Variants in STUM observed in about 807,000 individuals in gnomAD.
The protein encoded by STUM is stum, mechanosensory transduction mediator homolog.
STUM carries 8 observed loss-of-function variants against 15.3 expected under a neutral mutation model. The ratio of observed to expected loss-of-function variants is 0.52; its 90% CI spans 0.31 to 0.94. The LOEUF (loss-of-function observed/expected upper bound fraction) is 0.94, where lower values mean the gene tolerates loss of function less well. STUM is among the 40% of genes least tolerant of loss of function. STUM has a pLI of 0.05. For missense variants in STUM, 142 were observed against 204.9 expected, an observed-to-expected ratio of 0.69 and a Z score of 1.87; for synonymous variants, 78 against 88.7, an observed-to-expected ratio of 0.88 and a Z score of 0.68.
chr1:226,592,828 C>A (rs533348647), intron 1 of STUM, among the ~76,000 whole-genome samples: 116 of 152,244 alleles, frequency 7.6e-4, no homozygotes, highest in Non-Finnish European at 1.4e-3. Context: ...GAGCCCACAT[C>A]TCCCCCATTC....
chr1:226,594,641 G>A (rs1668146137), intron 1 of STUM, among the ~76,000 whole-genome samples: 1 of 152,106 alleles, frequency 6.6e-6, no homozygotes, highest in Non-Finnish European at 1.5e-5. Flanking sequence ...GAACAAGTAG[G>A]ATATATGGAA....
chr1:226,601,928 C>T (rs1262358110), intron 3 of STUM, 78 bp from the exon 4 acceptor site: 1 of 1,278,208 alleles, frequency 7.8e-7, no homozygotes, highest in East Asian at 2.3e-5. Flanking sequence ...TGTGTGCATT[C>T]TGGGCTAGGG....
At chr1:226,550,025 T>C (rs1003769877) in intron 1 of STUM, among the ~76,000 whole-genome samples, 1 of 152,086 alleles carries the variant, frequency 6.6e-6, no homozygotes, top group Non-Finnish European at 1.5e-5. Flanking sequence ...CACTGGCTGC[T>C]CCTGCGTGCT....
At chr1:226,595,791 T>C (rs1356135931) in intron 1 of STUM, among the ~76,000 whole-genome samples, 4 of 152,184 alleles carry the variant, frequency 2.6e-5, no homozygotes, top group Non-Finnish European at 5.9e-5. Flanking sequence ...CCAAGGAATG[T>C]AGGTGGCCTC....
intron 1 of STUM, among the ~76,000 whole-genome samples, chr1:226,564,446 G>A (rs573189078): frequency 9.2e-5 from 14 of 152,208 alleles, no homozygotes; most frequent in South Asian, 4.2e-4. Flanking sequence ...TCATGGGAGC[G>A]GACTGCCACC....
intron 1 of STUM, among the ~76,000 whole-genome samples, chr1:226,576,797 G>A (rs1667822690): frequency 6.6e-6 from 1 of 152,174 alleles, no homozygotes; most frequent in African/African-American, 2.4e-5. Context: ...AACACAGCTT[G>A]TCTAGTTCCG....
intron 1 of STUM, among the ~76,000 whole-genome samples, chr1:226,572,733 A>G (rs1266228015): frequency 6.6e-6 from 1 of 152,200 alleles, no homozygotes; most frequent in African/African-American, 2.4e-5. Context: ...AAGCCCCTCA[A>G]GTGCTCCTGC....
chr1:226,566,949 G>C (rs189621275), intron 1 of STUM, among the ~76,000 whole-genome samples: 9 of 152,320 alleles, frequency 5.9e-5, no homozygotes, highest in South Asian at 2.1e-4. Flanking sequence ...TGCAGTGTTG[G>C]GGGGAAGGTA....
rs937845458 is a variant in STUM, at chr1:226,604,456, A to C, written c.*2416A>C. 2 of 152,262 alleles carry C rather than the reference A, an allele frequency of 1.3e-5. No homozygotes were observed. Among genetic ancestry groups the C allele is most frequent in the Non-Finnish European group, 2.9e-5 (2 of 68,072 alleles). 9.4% of individuals were successfully genotyped at this position (152,262 alleles called of 1,614,324 possible). On this transcript the variant is annotated 3_prime_UTR_variant, in exon 4 of 4. Coordinates refer to ENST00000366788, the MANE Select transcript of STUM (RefSeq NM_001003665.4). This position sits in a 1 kb window ranked among gnomAD's most constrained non-coding sequence, Gnocchi z 4.7. Reference sequence around the variant, plus strand: ...TTCCGGGTAACTGATGTGTGGGAGAAGCCAAGAGGCCCCTGCCTGTCTCCT... The same window carrying C: ...TTCCGGGTAACTGATGTGTGGGAGACGCCAAGAGGCCCCTGCCTGTCTCCT...
chr1:226,550,191 T>C (rs951490364), intron 1 of STUM, among the ~76,000 whole-genome samples: 21 of 152,204 alleles, frequency 1.4e-4, no homozygotes, highest in African/African-American at 4.8e-4. Context: ...CAGTTTGACT[T>C]TGGCCTTTCT....
At chr1:226,575,401 C>G (rs957812136) in intron 1 of STUM, among the ~76,000 whole-genome samples, 1 of 152,244 alleles carries the variant, frequency 6.6e-6, no homozygotes, top group Non-Finnish European at 1.5e-5. Context: ...ACAGATTGGC[C>G]TGGTCTGACG....
chr1:226,553,164 C>A (rs556838832), intron 1 of STUM, among the ~76,000 whole-genome samples: 1 of 152,234 alleles, frequency 6.6e-6, no homozygotes, highest in African/African-American at 2.4e-5. Flanking sequence ...TACAGAGTAG[C>A]CATGAAAAGC....
chr1:226,576,924 G>A (rs1477097625), intron 1 of STUM, among the ~76,000 whole-genome samples: 2 of 152,208 alleles, frequency 1.3e-5, no homozygotes, highest in East Asian at 3.8e-4. Context: ...AGAATATAAA[G>A]GGGAGTAAAT....
At chr1:226,551,029 G>A (rs1018283372) in intron 1 of STUM, among the ~76,000 whole-genome samples, 2 of 151,458 alleles carry the variant, frequency 1.3e-5, no homozygotes, top group African/African-American at 4.8e-5. Context: ...AAACAGGTGA[G>A]CTGTAGGTGC....
rs1195229913 is a variant in STUM, at chr1:226,549,881, T to C, written c.202+775T>C. ...CTGGTGGCATCTATGTCCCACGTTT[T>C]AAAGCAGAGGCCCCTTACAGAGATG... On this transcript the variant is annotated intron_variant, in intron 1 of 3. Transcript: ENST00000366788. The surrounding 1 kb of genome is among the most constrained non-coding windows in gnomAD (Gnocchi z 6.8). Among the ~76,000 whole-genome samples, 1 of 152,180 alleles carries C rather than the reference T, an allele frequency of 6.6e-6. No individual in the cohort carries two copies. Among genetic ancestry groups the C allele is most frequent in the Admixed American group, 6.5e-5 (1 of 15,288 alleles).
At chr1:226,578,083 G>A (rs1667849384) in intron 1 of STUM, among the ~76,000 whole-genome samples, 1 of 152,170 alleles carries the variant, frequency 6.6e-6, no homozygotes, top group Non-Finnish European at 1.5e-5. Flanking sequence ...GCTGGACCTT[G>A]TTGGACCTTG....
rs1668199087 is a variant in STUM at position 226,597,345 on chromosome 1, AC to A, written c.382+366del. On this transcript the variant is annotated intron_variant, in intron 2 of 3. Coordinates refer to ENST00000366788, the MANE Select transcript of STUM (RefSeq NM_001003665.4). The stretch of plus-strand genomic sequence containing the variant: ...AACCTAGCAAAATCTTAAAACAGAC[AC>A]CACCCATTTTAAGCAGCTGTGCATG... 1.0e-5 allele frequency: 5 copies of A among 485,218 alleles called. No individual in the cohort carries two copies. The Admixed American group carries it at 1.2e-4, about 11-fold the overall frequency. The allele number at this position is 485,218 out of a possible 1,614,324, so 30.1% of individuals were successfully genotyped here. A position where few individuals can be genotyped will look rare whatever the true frequency, so the allele number is the denominator to read the frequency against.
At position 226,597,763 on chromosome 1, in the gene STUM, G is replaced by A. The variant is rs551017714; in HGVS notation, c.382+782G>A. Reference sequence around the variant, plus strand: ...AGATGCAGGTAGATGCAGAGCCTGAGGGAGATGCAGTGGAGCGTGGTCAGA... The same window carrying A: ...AGATGCAGGTAGATGCAGAGCCTGAAGGAGATGCAGTGGAGCGTGGTCAGA... On this transcript the variant is annotated intron_variant, in intron 2 of 3. Transcript: ENST00000366788. Among the ~76,000 whole-genome samples the A allele has an allele frequency of 2.0e-5, 3 of 152,368 alleles. No homozygotes were observed. In the South Asian group the frequency reaches 6.2e-4, roughly 32 times the overall value.
intron 1 of STUM, among the ~76,000 whole-genome samples, chr1:226,588,244 A>T (rs977710811): frequency 6.6e-6 from 1 of 152,162 alleles, no homozygotes; most frequent in Admixed American, 6.5e-5. Flanking sequence ...GTGCAGTTCT[A>T]GGGGAAGACA....
Sources: allele counts gnomAD v4.1 joint callset (sites outside exome capture counted in the v4.1 genomes callset), GRCh38; gene constraint gnomAD v4.1.1; non-coding constraint Gnocchi (gnomAD v3.1); transcripts MANE v1.5; gene names NCBI Gene and HGNC (gene_info 2026-07-23, HGNC 2026-07-21).